Variants in BRCC3 observed in about 807,000 individuals in gnomAD.
The protein encoded by BRCC3 is lys-63-specific deubiquitinase BRCC36.
In BRCC3, 15 loss-of-function variants were observed where a neutral mutation model predicts 28.0. The ratio of observed to expected loss-of-function variants is 0.54; its 90% CI spans 0.36 to 0.82. The LOEUF is 0.82. Among genes scored for constraint, BRCC3 ranks in the 40% least tolerant of loss-of-function variants. BRCC3 has a pLI of 0.01. For synonymous variants in BRCC3, 66 were observed against 80.3 expected, an observed-to-expected ratio of 0.82 and a Z score of 0.95; for missense variants, 109 against 225.9, an observed-to-expected ratio of 0.48 and a Z score of 3.32.
At chrX:155,099,768 A>C (rs1333961643) in intron 7 of BRCC3, among the ~76,000 whole-genome samples, 1 of 111,743 alleles carries the variant, frequency 8.9e-6, no homozygotes, top group African/African-American at 3.3e-5. Flanking sequence ...AAAATATAGC[A>C]AGATCTTGAG....
chrX:155,087,450 A>G (rs1557295073), intron 5 of BRCC3, among the ~76,000 whole-genome samples: 4 of 111,958 alleles, frequency 3.6e-5, no homozygotes, highest in Admixed American at 1.9e-4. Context: ...TCTCAGGAGC[A>G]TTGTTTTAAG....
At chrX:155,083,658 C>G (rs1394882008) in intron 5 of BRCC3, among the ~76,000 whole-genome samples, 1 of 112,458 alleles carries the variant, frequency 8.9e-6, no homozygotes, top group African/African-American at 3.2e-5. Context: ...TCCCTGCCTT[C>G]ATGGAGCTTT....
At chrX:155,077,344 T>C in intron 4 of BRCC3, 55 bp downstream of exon 4, 2 of 1,062,542 alleles carry the variant, frequency 1.9e-6, no homozygotes, top group Non-Finnish European at 2.5e-6. Flanking sequence ...CTGGGCCGCA[T>C]TGCTGCTTGC....
chrX:155,090,481 T>C (rs1557295488), intron 6 of BRCC3, among the ~76,000 whole-genome samples: 1 of 112,131 alleles, frequency 8.9e-6, no homozygotes, highest in Non-Finnish European at 1.9e-5. Flanking sequence ...ATTTATTTAT[T>C]GTCATCATAA....
intron 3 of BRCC3, among the ~76,000 whole-genome samples, chrX:155,075,040 G>T (rs1185388065): frequency 8.9e-6 from 1 of 112,282 alleles, no homozygotes; most frequent in African/African-American, 3.2e-5. Context: ...AATTTGAAGG[G>T]TGTATTTTAG....
chrX:155,108,174 A>G (rs908899741), intron 7 of BRCC3, among the ~76,000 whole-genome samples: 18 of 111,882 alleles, frequency 1.6e-4, no homozygotes, highest in Non-Finnish European at 5.7e-5. Context: ...AACAACACAG[A>G]TTAATTTTGT....
chrX:155,089,157 A>T (rs1039428602), intron 5 of BRCC3, 106 bp from the exon 6 acceptor site: 1 of 519,816 alleles, frequency 1.9e-6, no homozygotes, highest in African/African-American at 2.4e-5. Flanking sequence ...TCCTAGGAAG[A>T]TTATATGTTG....
intron 7 of BRCC3, among the ~76,000 whole-genome samples, chrX:155,093,445 A>G (rs782331085): frequency 1.8e-5 from 2 of 109,437 alleles, no homozygotes; most frequent in South Asian, 4.1e-4. Flanking sequence ...ACTTAAATAA[A>G]ACTACACTGT....
At chrX:155,104,807 A>T (rs1489232220) in intron 7 of BRCC3, among the ~76,000 whole-genome samples, 2 of 112,563 alleles carry the variant, frequency 1.8e-5, no homozygotes, top group Non-Finnish European at 1.9e-5. Context: ...TCATATTCAC[A>T]GTTCTTTTTA....
At chrX:155,115,406 C>CT (rs1557298590) in intron 7 of BRCC3, among the ~76,000 whole-genome samples, 1 of 111,958 alleles carries the variant, frequency 8.9e-6, no homozygotes, top group East Asian at 2.8e-4. Context: ...GGCCTTCAAC[C>CT]TGAATTCTCC....
chrX:155,092,402 G>A (rs1438498176), intron 7 of BRCC3, among the ~76,000 whole-genome samples: 1 of 111,779 alleles, frequency 8.9e-6, no homozygotes, highest in Non-Finnish European at 1.9e-5. Context: ...TATGTTCTGT[G>A]TTGTAACCAT....
At chrX:155,111,117 GC>G (rs1211377961) in intron 7 of BRCC3, among the ~76,000 whole-genome samples, 2 of 111,165 alleles carry the variant, frequency 1.8e-5, no homozygotes, top group African/African-American at 3.3e-5. Flanking sequence ...AAATGCTCAA[GC>G]TATCAGTCAC....
chrX:155,074,338 T>C (rs782397679), intron 3 of BRCC3, among the ~76,000 whole-genome samples: 2 of 112,430 alleles, frequency 1.8e-5, no homozygotes, highest in East Asian at 2.8e-4. Flanking sequence ...AAGAATGGGC[T>C]ACAATTACTA....
intron 3 of BRCC3, 104 bp downstream of exon 3, chrX:155,073,535 A>G: frequency 1.1e-6 from 1 of 922,203 alleles, no homozygotes; most frequent in African/African-American, 2.0e-5. Context: ...TGGATGAGAT[A>G]TTCTTTCTAG....
chrX:155,078,754 G>C, intron 5 of BRCC3, 51 bp downstream of exon 5: 1 of 949,848 alleles, frequency 1.1e-6, no homozygotes, highest in Non-Finnish European at 1.5e-6. Context: ...TTAATATCAT[G>C]TTTCCTTTTC....
intron 7 of BRCC3, among the ~76,000 whole-genome samples, chrX:155,096,247 G>A (rs951760698): frequency 8.9e-6 from 1 of 111,836 alleles, no homozygotes; most frequent in Non-Finnish European, 1.9e-5. Flanking sequence ...GTGTTATCCT[G>A]GGCTGGTGGG....
At chrX:155,075,328 GCCACT>G (rs1283524680) in intron 3 of BRCC3, among the ~76,000 whole-genome samples, 1 of 53,046 alleles carries the variant, frequency 1.9e-5, no homozygotes, top group Non-Finnish European at 2.9e-5. Flanking sequence ...ACTAAATGTG[GCCACT>G]CCCCTTGATT....
At chrX:155,085,921 A>C (rs188892746) in intron 5 of BRCC3, among the ~76,000 whole-genome samples, 79 of 111,624 alleles carry the variant, frequency 7.1e-4, no homozygotes, top group African/African-American at 2.5e-3. Context: ...GACTCCGAGG[A>C]ACTGCTCTTT....
Position 155,116,130 on chromosome X carries a change from G to A in BRCC3, c.622G>A (p.Val208Ile), listed in dbSNP as rs1294667820. ...TIGKVCLESA[V>I]ELPKILCQEE... is the part of the protein sequence containing the mutation. ...CGGGAAAGTGTGCCTTGAATCAGCA[G>A]TAGAGCTGCCCAAGATCCTGTGCCA... is the stretch of plus-strand genomic sequence containing the variant. Residue 208 changes from valine (V) to isoleucine (I), a missense_variant, in exon 8 of 11, where the codon GTA becomes ATA. Val to Ile is a conservative substitution (Grantham distance 29, BLOSUM62 3). Transcript: ENST00000330045. The A allele has an allele frequency of 8.3e-7, 1 of 1,204,829 alleles. No homozygotes were observed. The highest frequency in any genetic ancestry group is 1.8e-5 in the African/African-American group (1 of 56,828).
Sources: allele counts gnomAD v4.1 joint callset (sites outside exome capture counted in the v4.1 genomes callset), GRCh38; gene constraint gnomAD v4.1.1; transcripts MANE v1.5; gene names NCBI Gene and HGNC (gene_info 2026-07-23, HGNC 2026-07-21).